Variants in AKAP13 observed in about 807,000 individuals in gnomAD.
AKAP13 encodes the protein A-kinase anchor protein 13.
In AKAP13, 80 loss-of-function variants were observed where a neutral mutation model predicts 264.5. That is an observed-to-expected ratio of 0.30 (90% CI 0.25 to 0.36). The LOEUF (loss-of-function observed/expected upper bound fraction) is 0.36. Among genes scored for constraint, AKAP13 ranks in the 10% least tolerant of loss-of-function variants. AKAP13 has a pLI of 1.00. For missense variants in AKAP13, 3,712 were observed against 3,435.2 expected (o/e 1.08, Z -2.01); for synonymous variants, 1,380 against 1,250.2 (o/e 1.10, Z -2.19).
intron 8 of AKAP13, among the ~76,000 whole-genome samples, chr15:85,593,968 G>T (rs1212419555): frequency 6.6e-6 from 1 of 152,148 alleles, no homozygotes; most frequent in East Asian, 1.9e-4. Flanking sequence ...GGATATTGAT[G>T]CCTGTTACAA....
At chr15:85,569,794 T>G (rs995527391) in intron 5 of AKAP13, among the ~76,000 whole-genome samples, 2 of 151,982 alleles carry the variant, frequency 1.3e-5, no homozygotes, top group Non-Finnish European at 2.9e-5. Context: ...GAAAGGCCAC[T>G]GGGCCGGGTG....
At chr15:85,675,937 A>G (rs1322287780) in intron 14 of AKAP13, among the ~76,000 whole-genome samples, 1 of 150,648 alleles carries the variant, frequency 6.6e-6, no homozygotes, top group African/African-American at 2.5e-5. Flanking sequence ...TTTGAGAAGG[A>G]GTCTCACTCC....
At chr15:85,628,441 A>T (rs908347184) in intron 8 of AKAP13, among the ~76,000 whole-genome samples, 4 of 152,246 alleles carry the variant, frequency 2.6e-5, no homozygotes, top group Non-Finnish European at 5.9e-5. Flanking sequence ...GCCCCGAATT[A>T]TCGGAAATGT....
At chr15:85,692,617 C>T (rs2085353375) in intron 16 of AKAP13, among the ~76,000 whole-genome samples, 1 of 152,150 alleles carries the variant, frequency 6.6e-6, no homozygotes, top group African/African-American at 2.4e-5. Flanking sequence ...GCCTCCCCTT[C>T]TTATCAGTCT....
At chr15:85,726,641 T>G (rs1223676758) in intron 27 of AKAP13, among the ~76,000 whole-genome samples, 155 bp downstream of exon 27, 2 of 152,268 alleles carry the variant, frequency 1.3e-5, no homozygotes, top group Non-Finnish European at 2.9e-5. Flanking sequence ...CAGAATTTTC[T>G]GGCATCCCCT....
chr15:85,631,500 TCTCACACACACACACACACACACA>T (rs985013929), intron 8 of AKAP13, among the ~76,000 whole-genome samples: 22 of 80,198 alleles, frequency 2.7e-4, no homozygotes, highest in East Asian at 1.7e-3. Flanking sequence ...TCTCTCTCTC[TCTCACACACACACACACACACACA>T]CACACACACA....
At chr15:85,386,342 A>G (rs1055846058) in intron 1 of AKAP13, among the ~76,000 whole-genome samples, 8 of 151,642 alleles carry the variant, frequency 5.3e-5, no homozygotes, top group Non-Finnish European at 1.0e-4. Context: ...TCTGTCATCC[A>G]GGCTGGCGTG....
chr15:85,427,104 C>T (rs1381618557), intron 1 of AKAP13, among the ~76,000 whole-genome samples: 1 of 151,790 alleles, frequency 6.6e-6, no homozygotes, highest in Non-Finnish European at 1.5e-5. Context: ...TACAGGCGCC[C>T]ACCACCACGC....
intron 8 of AKAP13, among the ~76,000 whole-genome samples, chr15:85,628,899 T>C (rs914984348): frequency 2.6e-5 from 4 of 152,162 alleles, no homozygotes; most frequent in African/African-American, 7.2e-5. Context: ...AAGACAAATA[T>C]AAGAATAAGA....
chr15:85,727,119 A>T lies in AKAP13; in HGVS notation c.6876A>T (p.Ala2292=), dbSNP rs1408040614. 6.2e-7 allele frequency: 1 copy of T among 1,614,118 alleles called. No individual in the cohort carries two copies. The highest frequency in any genetic ancestry group is 8.5e-7 in the Non-Finnish European group (1 of 1,180,038). ...SLKKLIVREV[A]HEEKGLFLIS... is the part of the protein sequence containing the mutation. ...AGAAGCTGATTGTGAGAGAAGTGGC[A>T]CATGAGGAGAAAGGTTTATTCCTGA... The change falls in exon 28 of 37, where the codon GCA becomes GCT. Residue 2292 remains alanine, a synonymous_variant. Coordinates refer to ENST00000394518, the MANE Select transcript of AKAP13 (RefSeq NM_007200.5). This position sits in a 1 kb window ranked among gnomAD's most constrained non-coding sequence, Gnocchi z 5.3.
Position 85,533,808 on chromosome 15 carries a change from T to G in AKAP13, c.406T>G (p.Leu136Val). ...SGDVNSLDKK[L>V]VLAFRHLKLP... ...GGATGTGAATTCCCTTGATAAGAAG[T>G]TGGTGCTGGCATTCAGGCACCTGAA... is the stretch of plus-strand genomic sequence containing the variant. The change falls in exon 4 of 37, where the codon TTG (leucine) becomes GTG (valine). Residue 136 changes from leucine (L) to valine (V), a missense_variant. Coordinates refer to ENST00000394518, the MANE Select transcript of AKAP13 (RefSeq NM_007200.5). The G allele has an allele frequency of 2.5e-6, 4 of 1,613,886 alleles. No individual in the cohort carries two copies. The highest frequency in any genetic ancestry group is 3.4e-6 in the Non-Finnish European group (4 of 1,179,854).
Position 85,724,122 on chromosome 15 carries a change from G to A in AKAP13, c.6745+802G>A, listed in dbSNP as rs2087463525. ...GAAGCAGGGTAGGCCAGTACTGTCA[G>A]CCTCACTGGCATAGAAAGAAGGTGG... On this transcript the variant is annotated intron_variant, in intron 26 of 36. Coordinates refer to ENST00000394518, the MANE Select transcript of AKAP13 (RefSeq NM_007200.5). This position sits in a 1 kb window ranked among gnomAD's most constrained non-coding sequence, Gnocchi z 4.2. Among the ~76,000 whole-genome samples, 1 of 152,176 alleles carries A rather than the reference G, an allele frequency of 6.6e-6. No individual in the cohort carries two copies. The highest frequency in any genetic ancestry group is 2.1e-4 in the South Asian group (1 of 4,826).
intron 1 of AKAP13, among the ~76,000 whole-genome samples, chr15:85,399,521 AATAAAAAAAT>A (rs1567038643): frequency 2.5e-3 from 248 of 100,530 alleles, no homozygotes; most frequent in Non-Finnish European, 4.6e-3. Context: ...AAAAAAAAAA[AATAAAAAAAT>A]AAAAAAATAA....
chr15:85,510,374 A>G (rs747395776), intron 2 of AKAP13, among the ~76,000 whole-genome samples: 8 of 152,234 alleles, frequency 5.3e-5, no homozygotes, highest in Admixed American at 3.3e-4. Flanking sequence ...ATGTATTAAT[A>G]TAGCATTTGT....
At chr15:85,478,316 G>A (rs2075242942) in intron 1 of AKAP13, among the ~76,000 whole-genome samples, 3 of 150,738 alleles carry the variant, frequency 2.0e-5, no homozygotes, top group Non-Finnish European at 3.0e-5. Context: ...ACCTAAACAC[G>A]GAAAAGATTA....
chr15:85,678,114 T>G (rs1455117916), intron 14 of AKAP13, among the ~76,000 whole-genome samples: 1 of 152,164 alleles, frequency 6.6e-6, no homozygotes, highest in African/African-American at 2.4e-5. Flanking sequence ...AGAAAGAAAT[T>G]CCCCCTTCAT....
intron 7 of AKAP13, chr15:85,582,977 T>A: frequency 1.0e-6 from 1 of 985,454 alleles, no homozygotes; most frequent in Non-Finnish European, 1.2e-6. Flanking sequence ...CCGCTATTGC[T>A]CCGTGGAAAT....
chr15:85,389,761 G>C (rs2070759843), intron 1 of AKAP13: 1 of 152,256 alleles, frequency 6.6e-6, no homozygotes, highest in South Asian at 2.1e-4. Flanking sequence ...GAAATGAATT[G>C]CTATGGTGAT....
Position 85,724,289 on chromosome 15 carries a change from G to A in AKAP13, c.6745+969G>A, listed in dbSNP as rs2087472420. 6.6e-6 allele frequency among the ~76,000 whole-genome samples: 1 copy of A among 152,236 alleles called. No homozygotes were observed. Among genetic ancestry groups the A allele is most frequent in the South Asian group, 2.1e-4 (1 of 4,838 alleles). ...AACAATGAATAAAGCAGGACACCCT[G>A]CTTAGAAGTTGAAATCAAAATGAAG... On this transcript the variant is annotated intron_variant, in intron 26 of 36. Transcript: ENST00000394518. This position sits in a 1 kb window ranked among gnomAD's most constrained non-coding sequence, Gnocchi z 4.2.
Sources: gnomAD v4.1 joint callset for allele counts (sites outside exome capture counted in the v4.1 genomes callset) on GRCh38, gnomAD v4.1.1 for gene constraint, Gnocchi (gnomAD v3.1) non-coding constraint, MANE v1.5 for transcripts, NCBI Gene and HGNC (gene_info 2026-07-23, HGNC 2026-07-21) for gene names.